MYO7B: variants seen among roughly 807,000 people sequenced by gnomAD.
The protein encoded by MYO7B is unconventional myosin-VIIb.
MYO7B carries 212 observed loss-of-function variants against 259.7 expected under a neutral mutation model. The observed-to-expected ratio is 0.82, with a 90% confidence interval of 0.73 to 0.91. The LOEUF (loss-of-function observed/expected upper bound fraction) is 0.91, where lower values mean the gene tolerates loss of function less well. MYO7B is among the 40% of genes least tolerant of loss of function. The probability of loss-of-function intolerance (pLI) is 0.00; values close to 1 mark genes in which losing one functional copy is unlikely to be tolerated. For synonymous variants in MYO7B, 1,197 were observed against 1,166.4 expected, an observed-to-expected ratio of 1.03 and a Z score of -0.54; for missense variants, 2,732 against 2,813.5, an observed-to-expected ratio of 0.97 and a Z score of 0.66.
chr2:127,583,030 A>C (rs1372286618), intron 12 of MYO7B, among the ~76,000 whole-genome samples: 1 of 152,230 alleles, frequency 6.6e-6, no homozygotes, highest in Non-Finnish European at 1.5e-5. Flanking sequence ...AGGCCAGGCC[A>C]GGTGATGCTC....
rs1226394443 is a variant in MYO7B at position 127,539,211 on chromosome 2, A to G, written c.-24+3380A>G. The stretch of plus-strand genomic sequence containing the variant: ...ATATGAGGCAGCTTACAGTATACCT[A>G]TAATACAACAGAATCAAAAATAAAA... On this transcript the variant is annotated intron_variant, in intron 1 of 47. Coordinates refer to ENST00000409816, the MANE Select transcript of MYO7B (RefSeq NM_001393586.1). This position sits in a 1 kb window ranked among gnomAD's most constrained non-coding sequence, Gnocchi z 4.0. Among the ~76,000 whole-genome samples, 1 of 152,234 alleles carries G rather than the reference A, an allele frequency of 6.6e-6. No individual in the cohort carries two copies. Among genetic ancestry groups the G allele is most frequent in the Non-Finnish European group, 1.5e-5 (1 of 68,046 alleles).
At chr2:127,606,114 A>C (rs574218559) in intron 20 of MYO7B, among the ~76,000 whole-genome samples, 186 bp downstream of exon 20, 1 of 152,358 alleles carries the variant, frequency 6.6e-6, no homozygotes, top group Non-Finnish European at 1.5e-5. Flanking sequence ...TCTTCTTAGC[A>C]TAATCTCTGG....
chr2:127,610,115 C>T lies in MYO7B; in HGVS notation c.3192+99C>T, dbSNP rs951934497. ...AGCTGGACAGGACGGAGAGACAAGA[C>T]CTGGAGCCCTGTCCTCAGCCTTACC... On this transcript the variant is annotated intron_variant, in intron 24 of 47. Transcript: ENST00000409816. 46 of 1,461,796 alleles carry T rather than the reference C, an allele frequency of 3.1e-5. 1 individual carries two copies. In the South Asian group the frequency reaches 6.0e-4, roughly 19 times the overall value. 90.6% of individuals were successfully genotyped at this position (1,461,796 alleles called of 1,614,324 possible).
Position 127,620,478 on chromosome 2 carries a change from C to A in MYO7B, c.3525+12C>A. On this transcript the variant is annotated intron_variant, in intron 27 of 47. Transcript: ENST00000409816. ...AGAGGTTCATGAAGGTGAGAGGGTT[C>A]ATGAAGGGAGGGCGGGCAGGGGGCA... 2 of 689,190 alleles carry A rather than the reference C, an allele frequency of 2.9e-6. No individual in the cohort carries two copies. The highest frequency in any genetic ancestry group is 4.8e-6 in the Non-Finnish European group (2 of 419,352). 42.7% of individuals were successfully genotyped at this position (689,190 alleles called of 1,614,324 possible).
rs1039412880 is a variant in MYO7B, at chr2:127,627,833, G to A, written c.4460+523G>A. The A allele has an allele frequency of 2.2e-6, 1 of 457,868 alleles. No individual in the cohort carries two copies. Among genetic ancestry groups the A allele is most frequent in the African/African-American group, 2.0e-5 (1 of 50,112 alleles). 28.4% of individuals were successfully genotyped at this position (457,868 alleles called of 1,614,324 possible). A position where few individuals can be genotyped will look rare whatever the true frequency, so the allele number is the denominator to read the frequency against. On this transcript the variant is annotated intron_variant, in intron 33 of 47. Coordinates refer to ENST00000409816, the MANE Select transcript of MYO7B (RefSeq NM_001393586.1). The surrounding 1 kb of genome is among the most constrained non-coding windows in gnomAD (Gnocchi z 5.6). Reference sequence around the variant, plus strand: ...GAAGTCCCACCCAAGCCCTGCCAGAGCGCCCCTTGGTTGAAGCACACAACA... The same window carrying A: ...GAAGTCCCACCCAAGCCCTGCCAGAACGCCCCTTGGTTGAAGCACACAACA...
Position 127,628,315 on chromosome 2 carries a change from G to A in MYO7B, c.4461-57G>A. The stretch of plus-strand genomic sequence containing the variant: ...AACCCCACCTCCCGAGGCTGTTTAG[G>A]GGCTGGATCAGGGGAAGGTGGAGGG... On this transcript the variant is annotated intron_variant, in intron 33 of 47. Transcript: ENST00000409816. The surrounding 1 kb of genome is among the most constrained non-coding windows in gnomAD (Gnocchi z 4.8). 1 of 1,552,860 alleles carries A rather than the reference G, an allele frequency of 6.4e-7. No individual in the cohort carries two copies. Among genetic ancestry groups the A allele is most frequent in the African/African-American group, 1.4e-5 (1 of 73,996 alleles).
At position 127,605,426 on chromosome 2, in the gene MYO7B, T is replaced by C. The variant is rs138627112; in HGVS notation, c.2340-418T>C. 3.2e-3 allele frequency among the ~76,000 whole-genome samples: 490 copies of C among 152,248 alleles called. 5 individuals are homozygous for C. The highest frequency in any genetic ancestry group is 0.011 in the African/African-American group (448 of 41,532). On this transcript the variant is annotated intron_variant, in intron 19 of 47. Transcript: ENST00000409816. The stretch of plus-strand genomic sequence containing the variant: ...AACTGGTCAACGTGGTGAAACTCCA[T>C]CTCTACTAAAAATACAAAAATTAGC...
chr2:127,597,101 G>A lies in MYO7B; in HGVS notation c.2339+545G>A, dbSNP rs1679800110. On this transcript the variant is annotated intron_variant, in intron 19 of 47. Coordinates refer to ENST00000409816, the MANE Select transcript of MYO7B (RefSeq NM_001393586.1). This position sits in a 1 kb window ranked among gnomAD's most constrained non-coding sequence, Gnocchi z 4.8. ...ATAGAGAATGAGGGGACAGAGAGCA[G>A]GGCAGGGAGCAGGGAGCTAGGGCCC... 6.6e-6 allele frequency among the ~76,000 whole-genome samples: 1 copy of A among 152,208 alleles called. No homozygotes were observed. Among genetic ancestry groups the A allele is most frequent in the South Asian group, 2.1e-4 (1 of 4,826 alleles).
chr2:127,637,349 G>T lies in MYO7B; in HGVS notation c.6361G>T (p.Val2121Leu). 1 of 1,595,020 alleles carries T rather than the reference G, an allele frequency of 6.3e-7. No homozygotes were observed. Among genetic ancestry groups the T allele is most frequent in the Non-Finnish European group, 8.5e-7 (1 of 1,171,044 alleles). Residue 2121 changes from valine (V) to leucine (L), a missense_variant, in exon 48 of 48, where the codon GTG becomes TTG. This residue lies in a region of MYO7B where 821 missense variants were observed against 769.3 expected (regional missense o/e 1.07). Transcript: ENST00000409816. ...YKMDDLLTSY[V>L]QQLLSAMNKQ... ...GATGGATGACCTGCTGACCTCATAT[G>T]TGCAGCAGCTCCTGAGTGCCATGAA... is the stretch of plus-strand genomic sequence containing the variant.
At chr2:127,587,671 C>T (rs1035797105) in intron 14 of MYO7B, among the ~76,000 whole-genome samples, 3 of 151,214 alleles carry the variant, frequency 2.0e-5, no homozygotes, top group African/African-American at 4.9e-5. Flanking sequence ...GGGCTTCAAG[C>T]GATTCTCCTG....
At chr2:127,595,541 G>T (rs1030293314) in intron 18 of MYO7B, among the ~76,000 whole-genome samples, 3 of 152,082 alleles carry the variant, frequency 2.0e-5, no homozygotes, top group Non-Finnish European at 4.4e-5. Context: ...TGATTCTCTA[G>T]TTATTTTAGT....
At chr2:127,573,164 A>T (rs1678717987) in intron 6 of MYO7B, among the ~76,000 whole-genome samples, 1 of 152,130 alleles carries the variant, frequency 6.6e-6, no homozygotes, top group Non-Finnish European at 1.5e-5. Flanking sequence ...ACTATGCTGG[A>T]TGCTGGTATT....
Position 127,619,698 on chromosome 2 carries a change from C to T in MYO7B, c.3399-642C>T, listed in dbSNP as rs370850992. 2.0e-5 allele frequency among the ~76,000 whole-genome samples: 3 copies of T among 152,124 alleles called. 1 individual carries two copies. Among genetic ancestry groups the T allele is most frequent in the South Asian group, 2.1e-4 (1 of 4,828 alleles). On this transcript the variant is annotated intron_variant, in intron 26 of 47. Coordinates refer to ENST00000409816, the MANE Select transcript of MYO7B (RefSeq NM_001393586.1). ...GCTGGTTGATAAACATTTACCAGCACACCACTGAGTATTAGGGGAAAGATG... is the reference window on the plus strand; with the variant it reads ...GCTGGTTGATAAACATTTACCAGCATACCACTGAGTATTAGGGGAAAGATG...
At chr2:127,620,813 G>A (rs1465960975) in intron 27 of MYO7B, among the ~76,000 whole-genome samples, 2 of 152,184 alleles carry the variant, frequency 1.3e-5, no homozygotes, top group East Asian at 1.9e-4. Context: ...GATGTGCCAC[G>A]GCACCTCTTT....
chr2:127,612,022 G>A (rs1484310547), intron 24 of MYO7B, among the ~76,000 whole-genome samples: 1 of 152,106 alleles, frequency 6.6e-6, no homozygotes, highest in Admixed American at 6.5e-5. Context: ...CTAGTCTCTT[G>A]CCTTCCCTGA....
intron 3 of MYO7B, among the ~76,000 whole-genome samples, chr2:127,564,481 G>T (rs1242638471): frequency 6.6e-6 from 1 of 152,220 alleles, no homozygotes; most frequent in African/African-American, 2.4e-5. Flanking sequence ...AAGTGGGAAA[G>T]GGGCTCTGGA....
chr2:127,604,913 T>C (rs1680107581), intron 19 of MYO7B, among the ~76,000 whole-genome samples: 1 of 152,100 alleles, frequency 6.6e-6, no homozygotes, highest in African/African-American at 2.4e-5. Context: ...GTAATAATAA[T>C]GAAAAATTTG....
In MYO7B at chr2:127,612,313, C is replaced by G. The variant is rs548464184; in HGVS notation, c.3256C>G (p.Arg1086Gly). 12 of 979,254 alleles carry G rather than the reference C, an allele frequency of 1.2e-5. No homozygotes were observed. Among genetic ancestry groups the G allele is most frequent in the Non-Finnish European group, 1.9e-5 (12 of 641,664 alleles). The allele number at this position is 979,254 out of a possible 1,614,324, so 60.7% of individuals were successfully genotyped here. The change falls in exon 25 of 48, where the codon CGG (arginine) becomes GGG (glycine). Residue 1086 changes from arginine (R) to glycine (G), a missense_variant. Coordinates refer to ENST00000409816, the MANE Select transcript of MYO7B (RefSeq NM_001393586.1). ...CTCCATGAAGCTGAAGCGGTCCTCC[C>G]GGATCACAGGCCAGGTGAGCCCAGA... ...ISSMKLKRSS[R>G]ITGQVASQLN...
In MYO7B at chr2:127,559,788, A is replaced by G; in HGVS notation, c.18+48A>G. 1.2e-6 allele frequency: 2 copies of G among 1,607,512 alleles called. No homozygotes were observed. Among genetic ancestry groups the G allele is most frequent in the Non-Finnish European group, 8.5e-7 (1 of 1,174,076 alleles). ...TAGGGGTTATTGGTGTAAGTTACTC[A>G]AGGCCAAGTTGAATCGCTCCCAAGG... On this transcript the variant is annotated intron_variant, in intron 2 of 47. Transcript: ENST00000409816. The surrounding 1 kb of genome is among the most constrained non-coding windows in gnomAD (Gnocchi z 4.1).
Sources: gnomAD v4.1 joint callset for allele counts (sites outside exome capture counted in the v4.1 genomes callset) on GRCh38, gnomAD v4.1.1 for gene constraint, gnomAD v4.1.1 regional missense constraint, Gnocchi (gnomAD v3.1) non-coding constraint, MANE v1.5 for transcripts, NCBI Gene and HGNC (gene_info 2026-07-23, HGNC 2026-07-21) for gene names.